The following CCDC7 variants were observed in gnomAD, a reference collection of about 807,000 sequenced individuals.
The protein encoded by CCDC7 is coiled-coil domain-containing protein 7.
In CCDC7, 183 loss-of-function variants were observed where a neutral mutation model predicts 196.9. The ratio of observed to expected loss-of-function variants is 0.93; its 90% CI spans 0.82 to 1.05. CCDC7 has a LOEUF of 1.05. CCDC7 is among the 50% of genes least tolerant of loss of function. CCDC7 has a pLI of 0.00. For missense variants in CCDC7, 1,540 were observed against 1,482.2 expected (o/e 1.04, Z -0.64); for synonymous variants, 525 against 484.6 (o/e 1.08, Z -1.10).
chr10:32,714,233 G>A (rs1328011573), intron 25 of CCDC7, among the ~76,000 whole-genome samples: 2 of 152,134 alleles, frequency 1.3e-5, no homozygotes, highest in Non-Finnish European at 2.9e-5. Context: ...TTAGAAAGTG[G>A]GTGCAGCTCA....
chr10:32,600,085 G>A, intron 18 of CCDC7, among the ~76,000 whole-genome samples: 1 of 151,750 alleles, frequency 6.6e-6, no homozygotes, highest in Non-Finnish European at 1.5e-5. Flanking sequence ...TTAATTTTAG[G>A]ATTTTTTTCT....
intron 25 of CCDC7, 130 bp from the exon 27 acceptor site, chr10:32,726,604 A>G (rs1182707346): frequency 4.0e-6 from 2 of 495,264 alleles, no homozygotes; most frequent in Admixed American, 7.8e-5. Context: ...TGATTTACTT[A>G]TAATTTTATA....
Position 32,641,454 on chromosome 10 carries a change from G to A in CCDC7, c.2014+6296G>A, listed in dbSNP as rs573742684. ...TCTAGTTGATCGAATCGGCTACTGA[G>A]GCTTGTGCATTTGTCACGTAGTTCT... On this transcript the variant is annotated intron_variant, in intron 20 of 41. Coordinates refer to ENST00000639629, the Ensembl canonical transcript of CCDC7. Among the ~76,000 whole-genome samples the A allele has an allele frequency of 2.0e-3, 297 of 152,250 alleles. 2 individuals are homozygous for A. The highest frequency in any genetic ancestry group is 6.5e-3 in the African/African-American group (271 of 41,540).
chr10:32,614,421 T>A (rs1388414866), intron 18 of CCDC7, among the ~76,000 whole-genome samples: 1 of 152,112 alleles, frequency 6.6e-6, no homozygotes, highest in Non-Finnish European at 1.5e-5. Flanking sequence ...TGTCTTTTCA[T>A]TGGGGCATTT....
chr10:32,598,074 T>C (rs2060601584), intron 18 of CCDC7, among the ~76,000 whole-genome samples: 1 of 152,214 alleles, frequency 6.6e-6, no homozygotes, highest in Non-Finnish European at 1.5e-5. Context: ...TTCTGCTGCC[T>C]TTTGTTCAGC....
chr10:32,532,540 A>G (rs1322386277), intron 11 of CCDC7, among the ~76,000 whole-genome samples: 1 of 152,158 alleles, frequency 6.6e-6, no homozygotes, highest in African/African-American at 2.4e-5. Context: ...TAAATGCCAG[A>G]TAGGCCTATT....
chr10:32,610,428 A>T (rs1178348357), intron 18 of CCDC7, among the ~76,000 whole-genome samples: 3 of 151,938 alleles, frequency 2.0e-5, no homozygotes, highest in Admixed American at 6.6e-5. Context: ...TATTATTATT[A>T]TTTTTTATTG....
At chr10:32,646,242 C>T (rs2067749932) in intron 20 of CCDC7, among the ~76,000 whole-genome samples, 3 of 150,422 alleles carry the variant, frequency 2.0e-5, no homozygotes, top group Admixed American at 2.0e-4. Flanking sequence ...TTTCATTTGT[C>T]TCAAGGAATT....
intron 21 of CCDC7, among the ~76,000 whole-genome samples, chr10:32,667,650 C>G (rs972164728): frequency 5.9e-5 from 9 of 152,010 alleles, no homozygotes; most frequent in East Asian, 1.9e-4. Flanking sequence ...TCTTGTTTTT[C>G]TCAGGTTTGT....
chr10:32,451,839 C>T (rs1037911337), exon 1 of CCDC7: 1 of 1,614,142 alleles, frequency 6.2e-7, no homozygotes, highest in Non-Finnish European at 8.5e-7. Flanking sequence ...TTACGGTATG[C>T]TTTGCCCATT....
At chr10:32,526,406 C>A (rs893273446) in intron 11 of CCDC7, among the ~76,000 whole-genome samples, 1 of 152,184 alleles carries the variant, frequency 6.6e-6, no homozygotes, top group Non-Finnish European at 1.5e-5. Context: ...TTGTTCTACC[C>A]CACTGTGGTT....
chr10:32,511,263 G>GGA lies in CCDC7; in HGVS notation c.873-6681_873-6680insAG. ...CCACAGAATTATTCTGTGGGGGGCG[G>GGA]GGGGGGCGGGGAAATGTACTTTTTG... On this transcript the variant is annotated intron_variant, in intron 9 of 41. Transcript: ENST00000639629. 8.5e-6 allele frequency: 5 copies of GGA among 591,264 alleles called. 1 individual carries two copies. The highest frequency in any genetic ancestry group is 1.4e-5 in the Non-Finnish European group (5 of 354,300). The allele number at this position is 591,264 out of a possible 1,614,324, so 36.6% of individuals were successfully genotyped here.
intron 24 of CCDC7, among the ~76,000 whole-genome samples, chr10:32,702,899 CT>C (rs2079007457): frequency 6.6e-6 from 1 of 152,130 alleles, no homozygotes; most frequent in Non-Finnish European, 1.5e-5. Context: ...TACTTTGAGC[CT>C]ATGTGTGTCT....
At chr10:32,445,283 C>T (rs1209229452), upstream of CCDC7, among the ~76,000 whole-genome samples, 1 of 152,148 alleles carries the variant, frequency 6.6e-6, no homozygotes, top group Non-Finnish European at 1.5e-5. Context: ...TGGAGCTAGC[C>T]TACACCAGCT....
intron 15 of CCDC7, among the ~76,000 whole-genome samples, chr10:32,568,097 C>G (rs1407654144): frequency 6.8e-6 from 1 of 148,092 alleles, no homozygotes; most frequent in South Asian, 2.3e-4. Context: ...ACCTCCAACT[C>G]CCTGGTTCAA....
At chr10:32,807,884 C>T (rs2086185974) in intron 30 of CCDC7, among the ~76,000 whole-genome samples, 1 of 152,056 alleles carries the variant, frequency 6.6e-6, no homozygotes, top group African/African-American at 2.4e-5. Flanking sequence ...GCATGCACCA[C>T]CATGCCCAGC....
Position 32,851,913 on chromosome 10 carries a change from A to G in CCDC7, c.4002A>G (p.Leu1334=), listed in dbSNP as rs548237783. ...TTTCTAAAGACATCCACCTTCCTTT[A>G]CTGAATCAACTCCCTTCAGGTAATT... Residue 1334 remains leucine, a synonymous_variant, in exon 40 of 42, where the codon TTA becomes TTG. Transcript: ENST00000639629. 84 of 1,601,990 alleles carry G rather than the reference A, an allele frequency of 5.2e-5. No individual in the cohort carries two copies. The East Asian group carries it at 1.5e-3, about 30-fold the overall frequency.
At chr10:32,820,336 T>A (rs2089907711) in intron 31 of CCDC7, among the ~76,000 whole-genome samples, 1 of 152,198 alleles carries the variant, frequency 6.6e-6, no homozygotes, top group African/African-American at 2.4e-5. Context: ...TGGAAGAACA[T>A]TCCATGCTCA....
chr10:32,539,051 T>C (rs1245658273), intron 11 of CCDC7, among the ~76,000 whole-genome samples: 1 of 152,098 alleles, frequency 6.6e-6, no homozygotes, highest in African/African-American at 2.4e-5. Context: ...ATAATTTTAG[T>C]AGGAATTTAG....
Sources: allele counts gnomAD v4.1 joint callset (sites outside exome capture counted in the v4.1 genomes callset), GRCh38; gene constraint gnomAD v4.1.1; transcripts MANE v1.5; gene names NCBI Gene and HGNC (gene_info 2026-07-23, HGNC 2026-07-21).